Variants in SGCZ observed in about 807,000 individuals in gnomAD.
The protein encoded by SGCZ is sarcoglycan zeta, also known as zeta-sarcoglycan.
Under a neutral mutation model 41.3 loss-of-function variants are expected in SGCZ, and 40 were observed. The observed-to-expected ratio is 0.97, with a 90% confidence interval of 0.75 to 1.26. The LOEUF (loss-of-function observed/expected upper bound fraction) is 1.26, where lower values mean the gene tolerates loss of function less well. Ranked by LOEUF, SGCZ falls within the 50% of genes most tolerant of loss-of-function variation. SGCZ has a pLI of 0.00. For missense variants in SGCZ, 552 were observed against 369.8 expected (o/e 1.49, Z -4.04); for synonymous variants, 206 against 137.5 (o/e 1.50, Z -3.49).
At chr8:14,683,477 T>C (rs539114058) in intron 1 of SGCZ, among the ~76,000 whole-genome samples, 1 of 152,084 alleles carries the variant, frequency 6.6e-6, no homozygotes, top group East Asian at 1.9e-4. Flanking sequence ...ATAGAAAAAA[T>C]ACATATGAAC....
chr8:14,265,323 A>G (rs1196843070), intron 3 of SGCZ, among the ~76,000 whole-genome samples: 2 of 152,172 alleles, frequency 1.3e-5, no homozygotes, highest in African/African-American at 2.4e-5. Context: ...CTTTGGAAAC[A>G]AAAGACGTCA....
At chr8:14,539,745 G>A (rs962307432) in intron 2 of SGCZ, among the ~76,000 whole-genome samples, 1 of 151,578 alleles carries the variant, frequency 6.6e-6, no homozygotes, top group Non-Finnish European at 1.5e-5. Context: ...CCCTCTATGT[G>A]TCCATGTGTT....
At chr8:14,514,612 C>T (rs1802557927) in intron 2 of SGCZ, among the ~76,000 whole-genome samples, 1 of 149,838 alleles carries the variant, frequency 6.7e-6, no homozygotes, top group Non-Finnish European at 1.5e-5. Flanking sequence ...ATATCTCTCA[C>T]ATATATTTAT....
intron 2 of SGCZ, among the ~76,000 whole-genome samples, chr8:14,425,692 T>G (rs950504303): frequency 5.3e-5 from 8 of 152,138 alleles, no homozygotes; most frequent in Non-Finnish European, 5.9e-5. Context: ...ATGTTTTTAT[T>G]TGCAGATTTA....
chr8:14,135,695 A>G (rs868619853), intron 5 of SGCZ, among the ~76,000 whole-genome samples: 56 of 152,340 alleles, frequency 3.7e-4, no homozygotes, highest in African/African-American at 1.3e-3. Context: ...AAACACAGAT[A>G]GTTTTACTGG....
chr8:14,203,336 C>T (rs552488793), intron 4 of SGCZ, among the ~76,000 whole-genome samples: 3 of 152,150 alleles, frequency 2.0e-5, no homozygotes, highest in African/African-American at 4.8e-5. Context: ...TTCTTATCTA[C>T]GTTCATAAAT....
chr8:14,489,055 AG>A lies in SGCZ; in HGVS notation c.234+65676del, dbSNP rs1386326115. Among the ~76,000 whole-genome samples the A allele has an allele frequency of 2.7e-5, 4 of 150,266 alleles. No homozygotes were observed. In the Admixed American group the frequency reaches 2.7e-4, roughly 10 times the overall value. On this transcript the variant is annotated intron_variant, in intron 2 of 7. Transcript: ENST00000382080. ...CTGCAACCAGTGGAACTGAACATAA[AG>A]TAATTCAAATTCACAGAACGCATCT...
intron 1 of SGCZ, among the ~76,000 whole-genome samples, chr8:15,155,383 G>C (rs1355176065): frequency 6.6e-6 from 1 of 152,152 alleles, no homozygotes; most frequent in Non-Finnish European, 1.5e-5. Flanking sequence ...TGCATGTATT[G>C]AAATATCATA....
chr8:14,317,972 GA>G (rs879812124), intron 3 of SGCZ, among the ~76,000 whole-genome samples: 183 of 143,654 alleles, frequency 1.3e-3, no homozygotes, highest in Middle Eastern at 3.5e-3. Flanking sequence ...CTACCAATTA[GA>G]AAAAAAAAAA....
intron 2 of SGCZ, among the ~76,000 whole-genome samples, chr8:14,520,249 G>T (rs1802749521): frequency 6.6e-6 from 1 of 152,036 alleles, no homozygotes; most frequent in African/African-American, 2.4e-5. Context: ...ACTGGGGAAA[G>T]GATATGCTGA....
At chr8:14,486,439 G>T (rs942752510) in intron 2 of SGCZ, among the ~76,000 whole-genome samples, 1 of 152,124 alleles carries the variant, frequency 6.6e-6, no homozygotes, top group Admixed American at 6.5e-5. Context: ...CATTGTATTT[G>T]GTGTCTTGCT....
At chr8:15,165,033 T>C (rs1799619985) in intron 1 of SGCZ, among the ~76,000 whole-genome samples, 2 of 152,176 alleles carry the variant, frequency 1.3e-5, no homozygotes, top group African/African-American at 4.8e-5. Flanking sequence ...GGCTCATGCC[T>C]GTAATCCCAG....
At chr8:14,808,884 G>A (rs1450946059) in intron 1 of SGCZ, among the ~76,000 whole-genome samples, 1 of 151,588 alleles carries the variant, frequency 6.6e-6, no homozygotes, top group Non-Finnish European at 1.5e-5. Context: ...TATACACCAT[G>A]GAATACTATG....
chr8:14,688,126 T>G (rs991296777), intron 1 of SGCZ, among the ~76,000 whole-genome samples: 44 of 152,184 alleles, frequency 2.9e-4, no homozygotes, highest in African/African-American at 1.0e-3. Context: ...TGCGAAAATT[T>G]TCTCCCATTT....
At chr8:14,655,040 AT>A (rs992967184) in intron 1 of SGCZ, among the ~76,000 whole-genome samples, 11 of 152,028 alleles carry the variant, frequency 7.2e-5, no homozygotes, top group Non-Finnish European at 1.2e-4. Context: ...AATACCTTAC[AT>A]TTTTTTCCCC....
At chr8:14,189,209 T>C (rs1325517854) in intron 4 of SGCZ, among the ~76,000 whole-genome samples, 5 of 152,120 alleles carry the variant, frequency 3.3e-5, no homozygotes, top group Non-Finnish European at 5.9e-5. Context: ...TCTGGGCTGC[T>C]GAAACGCCAA....
chr8:15,025,822 T>C (rs1445278818), intron 1 of SGCZ, among the ~76,000 whole-genome samples: 2 of 152,216 alleles, frequency 1.3e-5, no homozygotes, highest in African/African-American at 4.8e-5. Flanking sequence ...GCATCAACTC[T>C]ACATGTAAAG....
intron 1 of SGCZ, among the ~76,000 whole-genome samples, chr8:14,976,099 T>C (rs1009725218): frequency 6.6e-6 from 1 of 151,310 alleles, no homozygotes; most frequent in Non-Finnish European, 1.5e-5. Flanking sequence ...CTTCACTCAC[T>C]GTAACCTCTG....
chr8:15,177,116 C>A (rs1585642840), intron 1 of SGCZ, among the ~76,000 whole-genome samples: 1 of 152,222 alleles, frequency 6.6e-6, no homozygotes, highest in East Asian at 1.9e-4. Context: ...ATTTTCCTTT[C>A]CAGGGAGAGC....
Sources: gnomAD v4.1 joint callset for allele counts (sites outside exome capture counted in the v4.1 genomes callset) on GRCh38, gnomAD v4.1.1 for gene constraint, MANE v1.5 for transcripts, NCBI Gene and HGNC (gene_info 2026-07-23, HGNC 2026-07-21) for gene names.